CELSR1: variants seen among roughly 807,000 people sequenced by gnomAD.
CELSR1 encodes the protein adhesion G protein-coupled receptor C1.
A neutral mutation model predicts 249.1 loss-of-function variants in CELSR1; 110 were observed. The ratio of observed to expected loss-of-function variants is 0.44; its 90% CI spans 0.38 to 0.52. The LOEUF (loss-of-function observed/expected upper bound fraction) is 0.52. CELSR1 is among the 20% of genes least tolerant of loss of function. The pLI, the probability that CELSR1 is intolerant of heterozygous loss-of-function variation, is 0.00. For synonymous variants in CELSR1, 2,113 were observed against 1,900.0 expected (o/e 1.11, Z -2.92); for missense variants, 4,109 against 4,296.4 (o/e 0.96, Z 1.22).
chr22:46,419,591 G>A (rs2147368925), intron 5 of CELSR1, among the ~76,000 whole-genome samples: 1 of 152,320 alleles, frequency 6.6e-6, no homozygotes, highest in Admixed American at 6.5e-5. Flanking sequence ...AGTAGCCTGA[G>A]TGTCCCGGGA....
intron 1 of CELSR1, among the ~76,000 whole-genome samples, chr22:46,480,298 C>G (rs2147659066): frequency 6.6e-6 from 1 of 152,320 alleles, no homozygotes; most frequent in South Asian, 2.1e-4. Flanking sequence ...TCCCCCTCAC[C>G]TCCCAAGAAG....
At chr22:46,470,613 G>A (rs144946836) in intron 1 of CELSR1, among the ~76,000 whole-genome samples, 20 of 152,142 alleles carry the variant, frequency 1.3e-4, no homozygotes, top group East Asian at 5.8e-4. Flanking sequence ...TCGAGACCAC[G>A]GGCCACGGTG....
At position 46,410,147 on chromosome 22, in the gene CELSR1, G is replaced by A. The variant is rs1039345138; in HGVS notation, c.4933+251C>T. ...CACATATGCAAGACCCTAGGATCAT[G>A]TGCGCCTCGGGTTAGCTGGCTGGGC... On this transcript the variant is annotated intron_variant, in intron 7 of 34. Coordinates refer to ENST00000674500, the MANE Select transcript of CELSR1 (RefSeq NM_001378328.1). The surrounding 1 kb of genome is among the most constrained non-coding windows in gnomAD (Gnocchi z 6.8). 1.3e-5 allele frequency among the ~76,000 whole-genome samples: 2 copies of A among 152,232 alleles called. No homozygotes were observed. The highest frequency in any genetic ancestry group is 4.8e-5 in the African/African-American group (2 of 41,466).
Position 46,381,005 on chromosome 22 carries a change from T to A in CELSR1, c.7089-50A>T. 1 of 1,583,348 alleles carries A rather than the reference T, an allele frequency of 6.3e-7. No individual in the cohort carries two copies. Among genetic ancestry groups the A allele is most frequent in the Non-Finnish European group, 8.6e-7 (1 of 1,157,488 alleles). On this transcript the variant is annotated intron_variant, in intron 21 of 34. Transcript: ENST00000674500. This position sits in a 1 kb window ranked among gnomAD's most constrained non-coding sequence, Gnocchi z 6.0. ...GGGACAAACACGGTGAGGAAACATC[T>A]GCTTAAATCCCGCGCACAAATGCCC...
rs762902555 is a variant in CELSR1 at position 46,454,697 on chromosome 22, T to G, written c.4183+9010A>C. On this transcript the variant is annotated intron_variant, in intron 2 of 34. Coordinates refer to ENST00000674500, the MANE Select transcript of CELSR1 (RefSeq NM_001378328.1). The surrounding 1 kb of genome is among the most constrained non-coding windows in gnomAD (Gnocchi z 5.1). ...TGGGACGCGGGAAACCCTCTGCTCC[T>G]GCGCTTAGCGTTCGCAAAGGTAAAC... Among the ~76,000 whole-genome samples the G allele has an allele frequency of 3.1e-4, 47 of 152,382 alleles. No homozygotes were observed. The highest frequency in any genetic ancestry group is 5.0e-4 in the Non-Finnish European group (34 of 68,042).
rs745678504 is a variant in CELSR1, at chr22:46,437,849, C to T, written c.4406+1340G>A. Among the ~76,000 whole-genome samples the T allele has an allele frequency of 6.6e-6, 1 of 152,140 alleles. No homozygotes were observed. Among genetic ancestry groups the T allele is most frequent in the East Asian group, 1.9e-4 (1 of 5,188 alleles). ...TGACGACAAACACAAAGAAGAATAC[C>T]CACACAGCACACTGATGCTTGGGCA... On this transcript the variant is annotated intron_variant, in intron 3 of 34. Transcript: ENST00000674500. The surrounding 1 kb of genome is among the most constrained non-coding windows in gnomAD (Gnocchi z 4.9).
intron 2 of CELSR1, among the ~76,000 whole-genome samples, chr22:46,461,828 C>A (rs150571500): frequency 6.6e-6 from 1 of 152,376 alleles, no homozygotes; most frequent in East Asian, 1.9e-4. Flanking sequence ...AAGCGCCCCC[C>A]ACCCAGGCCA....
chr22:46,522,100 A>T (rs577904016), intron 1 of CELSR1, among the ~76,000 whole-genome samples: 1 of 152,002 alleles, frequency 6.6e-6, no homozygotes, highest in African/African-American at 2.4e-5. Context: ...GTGTCAGTCA[A>T]CTCACTGGCA....
In CELSR1 at chr22:46,535,190, C is replaced by A; in HGVS notation, c.1981G>T (p.Asp661Tyr). ...EHYSFGVEAV[D>Y]HGSPPMSSST... ...GAGCTCATGGGGGGCGAGCCGTGGT[C>A]CACCGCCTCCACCCCGAAGCTGTAG... Residue 661 changes from aspartate to tyrosine, a missense_variant, in exon 1 of 35, where the codon GAC (aspartate) becomes TAC (tyrosine). By Grantham distance (160) the Asp-to-Tyr change is radical. This residue lies in a region of CELSR1 where 886 missense variants were observed against 896.5 expected (regional missense o/e 0.99). Transcript: ENST00000674500. 2 of 1,608,898 alleles carry A rather than the reference C, an allele frequency of 1.2e-6. No homozygotes were observed. Among genetic ancestry groups the A allele is most frequent in the Admixed American group, 1.7e-5 (1 of 59,958 alleles).
intron 23 of CELSR1, 177 bp from the exon 24 acceptor site, chr22:46,377,438 G>A (rs542833452): frequency 5.9e-6 from 4 of 682,386 alleles, no homozygotes; most frequent in Non-Finnish European, 1.0e-5. Flanking sequence ...CCCCTCCTGA[G>A]GCTCCTTCAA....
At chr22:46,405,453 C>A (rs1325654070) in intron 9 of CELSR1, among the ~76,000 whole-genome samples, 20 of 132,022 alleles carry the variant, frequency 1.5e-4, no homozygotes, top group African/African-American at 6.3e-4. Context: ...GAGCGAGACT[C>A]CGTCTCAAAA....
Position 46,380,022 on chromosome 22 carries a change from A to C in CELSR1, c.7256+766T>G, listed in dbSNP as rs1389675870. ...GCTCCCTGTAACGATAGAGCAACTC[A>C]AATGTCCACACCTCACGTGAACTCT... On this transcript the variant is annotated intron_variant, in intron 22 of 34. Transcript: ENST00000674500. The surrounding 1 kb of genome is among the most constrained non-coding windows in gnomAD (Gnocchi z 5.1). Among the ~76,000 whole-genome samples the C allele has an allele frequency of 1.3e-5, 2 of 152,218 alleles. No individual in the cohort carries two copies. The highest frequency in any genetic ancestry group is 6.5e-5 in the Admixed American group (1 of 15,278).
intron 1 of CELSR1, among the ~76,000 whole-genome samples, chr22:46,511,681 G>A (rs1476135666): frequency 2.0e-5 from 3 of 152,164 alleles, no homozygotes; most frequent in African/African-American, 4.8e-5. Flanking sequence ...TGGGGGCAGC[G>A]GGCATCACGG....
rs909052812 is a variant in CELSR1 at position 46,434,061 on chromosome 22, G to T, written c.4523-580C>A. Among the ~76,000 whole-genome samples the T allele has an allele frequency of 1.3e-5, 2 of 152,208 alleles. No homozygotes were observed. The highest frequency in any genetic ancestry group is 2.9e-5 in the Non-Finnish European group (2 of 68,032). Reference sequence around the variant, plus strand: ...TACCAGCAGCAGTCACACCTACACCGCACCAGAGGTCGAACCCTTTTTCCT... The same window carrying T: ...TACCAGCAGCAGTCACACCTACACCTCACCAGAGGTCGAACCCTTTTTCCT... On this transcript the variant is annotated intron_variant, in intron 4 of 34. Coordinates refer to ENST00000674500, the MANE Select transcript of CELSR1 (RefSeq NM_001378328.1). This position sits in a 1 kb window ranked among gnomAD's most constrained non-coding sequence, Gnocchi z 4.9.
chr22:46,368,788 T>TG (rs139808859), intron 27 of CELSR1, among the ~76,000 whole-genome samples: 3,058 of 151,830 alleles, frequency 0.02, 112 homozygotes, highest in African/African-American at 0.069. Context: ...GACAGTGGGG[T>TG]GGGGGGGTCT....
intron 2 of CELSR1, among the ~76,000 whole-genome samples, chr22:46,443,413 C>G (rs187096998): frequency 5.3e-5 from 8 of 152,298 alleles, no homozygotes; most frequent in African/African-American, 1.9e-4. Context: ...CCACCCCACT[C>G]AGTTAAAGCA....
intron 2 of CELSR1, among the ~76,000 whole-genome samples, chr22:46,460,280 G>C (rs1456168704): frequency 2.0e-5 from 3 of 152,058 alleles, no homozygotes; most frequent in African/African-American, 7.2e-5. Flanking sequence ...ACCACACCCA[G>C]CATGGGGGTG....
At chr22:46,378,349 A>G (rs1406600905) in intron 23 of CELSR1, among the ~76,000 whole-genome samples, 1 of 152,078 alleles carries the variant, frequency 6.6e-6, no homozygotes, top group Non-Finnish European at 1.5e-5. Context: ...AACCCTTATA[A>G]TGGGGCTTTG....
Position 46,535,371 on chromosome 22 carries a change from C to T in CELSR1, c.1800G>A (p.Leu600=). The change falls in exon 1 of 35, where the codon CTG becomes CTA. Residue 600 remains leucine, a synonymous_variant. Transcript: ENST00000674500. ...VDADSGENAR[L]HYRLVDTAST... is the part of the protein sequence containing the mutation. ...AGGCCGTGTCCACCAGGCGATAGTGCAGCCGGGCGTTCTCTCCAGAGTCCG... is the reference window on the plus strand; with the variant it reads ...AGGCCGTGTCCACCAGGCGATAGTGTAGCCGGGCGTTCTCTCCAGAGTCCG... 6.2e-7 allele frequency: 1 copy of T among 1,611,858 alleles called. No individual in the cohort carries two copies. Among genetic ancestry groups the T allele is most frequent in the Non-Finnish European group, 8.5e-7 (1 of 1,179,560 alleles).
Sources: allele counts gnomAD v4.1 joint callset (sites outside exome capture counted in the v4.1 genomes callset), GRCh38; gene constraint gnomAD v4.1.1; regional missense constraint gnomAD v4.1.1; non-coding constraint Gnocchi (gnomAD v3.1); transcripts MANE v1.5; gene names NCBI Gene and HGNC (gene_info 2026-07-23, HGNC 2026-07-21).